The following PBLD variants were observed in gnomAD, a reference collection of about 807,000 sequenced individuals.
The protein encoded by PBLD is phenazine biosynthesis like protein domain containing, also known as phenazine biosynthesis-like domain-containing protein.
PBLD carries 26 observed loss-of-function variants against 31.3 expected under a neutral mutation model. The ratio of observed to expected loss-of-function variants is 0.83; its 90% CI spans 0.61 to 1.15. The LOEUF (loss-of-function observed/expected upper bound fraction) is 1.15, where lower values mean the gene tolerates loss of function less well. Ranked by LOEUF, PBLD falls within the 50% of genes most tolerant of loss-of-function variation. The pLI is 0.00. For synonymous variants in PBLD, 114 were observed against 129.0 expected (o/e 0.88, Z 0.79); for missense variants, 307 against 351.7 (o/e 0.87, Z 1.02).
intron 1 of PBLD, among the ~76,000 whole-genome samples, chr10:68,330,177 T>TG (rs2044999662): frequency 6.6e-6 from 1 of 152,084 alleles, no homozygotes; most frequent in African/African-American, 2.4e-5. Context: ...AGTGGGCCAT[T>TG]GGGGGTATGT....
intron 4 of PBLD, among the ~76,000 whole-genome samples, chr10:68,293,332 A>G (rs1050232884): frequency 6.6e-6 from 1 of 152,368 alleles, no homozygotes; most frequent in Non-Finnish European, 1.5e-5. Flanking sequence ...TTACATAACA[A>G]TGTAATTTAA....
chr10:68,305,181 G>A (rs1225612756), intron 2 of PBLD, among the ~76,000 whole-genome samples: 4 of 151,410 alleles, frequency 2.6e-5, no homozygotes. Context: ...TCAATTTAGC[G>A]AGACCACATC....
At chr10:68,325,015 ACAGG>A (rs2044894957) in intron 1 of PBLD, among the ~76,000 whole-genome samples, 1 of 150,802 alleles carries the variant, frequency 6.6e-6, no homozygotes, top group African/African-American at 2.4e-5. Context: ...GGAGGCCGAG[ACAGG>A]CAGATCACGA....
intron 1 of PBLD, among the ~76,000 whole-genome samples, chr10:68,319,053 G>GAGAGAGAGAGAGAAAGAA (rs1431193816): frequency 1.0e-5 from 1 of 98,836 alleles, no homozygotes; most frequent in Non-Finnish European, 1.9e-5. Flanking sequence ...AAGAAAGAGA[G>GAGAGAGAGAGAGAAAGAA]AGAAAGAAAG....
At chr10:68,332,408 G>A (rs1284031545) in intron 1 of PBLD, among the ~76,000 whole-genome samples, 1 of 152,202 alleles carries the variant, frequency 6.6e-6, no homozygotes, top group Non-Finnish European at 1.5e-5. Flanking sequence ...GCCGATGGGA[G>A]GACTTGCTCA....
At chr10:68,295,428 G>A (rs531497446) in intron 4 of PBLD, among the ~76,000 whole-genome samples, 3 of 151,860 alleles carry the variant, frequency 2.0e-5, no homozygotes, top group African/African-American at 7.2e-5. Context: ...AGGAGTCAGA[G>A]GTTGCAGTGA....
chr10:68,325,132 G>A (rs189260388), intron 1 of PBLD, among the ~76,000 whole-genome samples: 1,560 of 151,566 alleles, frequency 0.01, 22 homozygotes, highest in African/African-American at 0.036. Flanking sequence ...TAATCCCAGC[G>A]ACTCGGGAGG....
At chr10:68,313,107 T>C (rs1286440525) in intron 1 of PBLD, among the ~76,000 whole-genome samples, 3 of 151,956 alleles carry the variant, frequency 2.0e-5, no homozygotes, top group Non-Finnish European at 4.4e-5. Flanking sequence ...TAGAGAGGGG[T>C]TCTCGCCATG....
chr10:68,285,767 A>G (rs562212614), intron 8 of PBLD, among the ~76,000 whole-genome samples: 60 of 151,538 alleles, frequency 4.0e-4, no homozygotes, highest in African/African-American at 1.4e-3. Context: ...CAGTCTTGAC[A>G]TCCCGTTCTC....
At chr10:68,295,327 T>C (rs2044410429) in intron 4 of PBLD, among the ~76,000 whole-genome samples, 1 of 151,510 alleles carries the variant, frequency 6.6e-6, no homozygotes, top group Non-Finnish European at 1.5e-5. Context: ...ACCCTGTCTC[T>C]AACAAAAATA....
At chr10:68,292,099 G>T (rs762629925) in intron 5 of PBLD, 30 bp downstream of exon 5, 3 of 1,602,778 alleles carry the variant, frequency 1.9e-6, no homozygotes, top group Non-Finnish European at 2.6e-6. Flanking sequence ...GGTTGTAGAT[G>T]GCTTAGGGCA....
At chr10:68,287,037 G>C (rs1369890872) in intron 8 of PBLD, 1 of 151,734 alleles carries the variant, frequency 6.6e-6, no homozygotes, top group Admixed American at 6.6e-5. Flanking sequence ...GCTGAGGCAG[G>C]AGAATCTCTT....
intron 1 of PBLD, among the ~76,000 whole-genome samples, chr10:68,308,675 A>G (rs1052510555): frequency 6.7e-6 from 1 of 150,072 alleles, no homozygotes; most frequent in Non-Finnish European, 1.5e-5. Context: ...CAGCCTCCCA[A>G]GTAGCTGGGA....
chr10:68,293,865 C>T (rs1164393198), intron 4 of PBLD, among the ~76,000 whole-genome samples: 1 of 100,012 alleles, frequency 1.0e-5, no homozygotes, highest in Admixed American at 1.0e-4. Flanking sequence ...ATCCCAGCTA[C>T]TTGGGAGGCT....
chr10:68,286,503 T>C (rs1437979004), intron 8 of PBLD, among the ~76,000 whole-genome samples: 3 of 152,128 alleles, frequency 2.0e-5, no homozygotes, highest in Non-Finnish European at 4.4e-5. Context: ...TTTTAACTAT[T>C]ATTTTTAAAT....
chr10:68,319,157 A>C (rs900831889), intron 1 of PBLD, among the ~76,000 whole-genome samples: 4 of 152,056 alleles, frequency 2.6e-5, no homozygotes, highest in Non-Finnish European at 5.9e-5. Flanking sequence ...GGAACACAAG[A>C]AAATATCTAG....
intron 1 of PBLD, among the ~76,000 whole-genome samples, chr10:68,324,613 T>G (rs2044886855): frequency 6.6e-6 from 1 of 151,072 alleles, no homozygotes; most frequent in Non-Finnish European, 1.5e-5. Flanking sequence ...ACTTTATTTA[T>G]TTATTTATTT....
At chr10:68,320,324 G>A (rs1307574483) in intron 1 of PBLD, among the ~76,000 whole-genome samples, 6 of 152,266 alleles carry the variant, frequency 3.9e-5, no homozygotes, top group African/African-American at 1.2e-4. Flanking sequence ...AGGAAGATAA[G>A]ACAATTATAA....
chr10:68,294,325 C>T (rs531256193), intron 4 of PBLD, among the ~76,000 whole-genome samples: 2 of 152,236 alleles, frequency 1.3e-5, no homozygotes, highest in Admixed American at 6.5e-5. Flanking sequence ...TATGTCTGAC[C>T]CATGGCCTCA....
Sources: allele counts gnomAD v4.1 joint callset (sites outside exome capture counted in the v4.1 genomes callset), GRCh38; gene constraint gnomAD v4.1.1; transcripts MANE v1.5; gene names NCBI Gene and HGNC (gene_info 2026-07-23, HGNC 2026-07-21).